Variants in SLC28A1 observed in about 807,000 individuals in gnomAD.
SLC28A1 encodes the protein sodium/nucleoside cotransporter 1.
Under a neutral mutation model 74.8 loss-of-function variants are expected in SLC28A1, and 64 were observed. The observed-to-expected ratio is 0.86, with a 90% CI of 0.70 to 1.05. The LOEUF (loss-of-function observed/expected upper bound fraction) is 1.05, where lower values mean the gene tolerates loss of function less well. Among genes scored for constraint, SLC28A1 ranks in the 50% least tolerant of loss-of-function variants. The pLI is 0.00. For synonymous variants in SLC28A1, 359 were observed against 335.0 expected, an observed-to-expected ratio of 1.07 and a Z score of -0.78; for missense variants, 828 against 822.8, an observed-to-expected ratio of 1.01 and a Z score of -0.08.
At chr15:84,896,357 T>C (rs1284877241) in intron 6 of SLC28A1, among the ~76,000 whole-genome samples, 1 of 152,184 alleles carries the variant, frequency 6.6e-6, no homozygotes, top group East Asian at 1.9e-4. Flanking sequence ...TCAGTAGCCA[T>C]CATGGAAATG....
the SLC28A1 span, among the ~76,000 whole-genome samples, chr15:84,960,521 G>A: frequency 6.6e-6 from 1 of 151,948 alleles, no homozygotes; most frequent in African/African-American, 2.4e-5. Flanking sequence ...GCCGGCCAAA[G>A]TGCTGGGATT....
chr15:84,953,304 T>TC, the SLC28A1 span, among the ~76,000 whole-genome samples: 5 of 152,342 alleles, frequency 3.3e-5, no homozygotes, highest in South Asian at 4.1e-4. Flanking sequence ...TCTGAAAAGT[T>TC]CCGTAACTCG....
chr15:84,911,641 C>T (rs769079600), intron 9 of SLC28A1, among the ~76,000 whole-genome samples: 92 of 152,180 alleles, frequency 6.0e-4, no homozygotes, highest in African/African-American at 2.0e-3. Context: ...GTGGTTCGAT[C>T]GCTTGAGTTC....
At chr15:84,911,877 AGAAG>A (rs1283572793) in intron 9 of SLC28A1, among the ~76,000 whole-genome samples, 31 of 118,562 alleles carry the variant, frequency 2.6e-4, no homozygotes, top group Non-Finnish European at 4.8e-4. Flanking sequence ...AAAAAAAAAA[AGAAG>A]AAGAAGAAGA....
rs117001935 is a variant in SLC28A1, at chr15:84,903,119, G to T, written c.462-978G>T. Among the ~76,000 whole-genome samples, 680 of 152,360 alleles carry T rather than the reference G, an allele frequency of 4.5e-3. 5 individuals carry two copies. The highest frequency in any genetic ancestry group is 6.6e-3 in the Non-Finnish European group (448 of 68,036). ...GGCACAAAAACAAGGCAAAGATTGTGCATGTTGAACTGGAATGAGAAGAGT... is the reference window on the plus strand; with the variant it reads ...GGCACAAAAACAAGGCAAAGATTGTTCATGTTGAACTGGAATGAGAAGAGT... On this transcript the variant is annotated intron_variant, in intron 6 of 18. Coordinates refer to ENST00000394573, the MANE Select transcript of SLC28A1 (RefSeq NM_004213.5).
intron 4 of SLC28A1, among the ~76,000 whole-genome samples, chr15:84,889,738 TTCCTTCCTTC>T (rs1965115995): frequency 9.9e-6 from 1 of 100,540 alleles, no homozygotes; most frequent in Non-Finnish European, 2.2e-5. Context: ...CCTTCCTTCC[TTCCTTCCTTC>T]CTTCCTTCCT....
intron 11 of SLC28A1, among the ~76,000 whole-genome samples, chr15:84,921,405 CAT>C (rs1219452446): frequency 1.3e-5 from 2 of 152,240 alleles, no homozygotes; most frequent in Non-Finnish European, 2.9e-5. Flanking sequence ...AGATTCCACA[CAT>C]ATAAGCCACG....
At chr15:84,970,326 C>G in the SLC28A1 span, among the ~76,000 whole-genome samples, 1 of 152,208 alleles carries the variant, frequency 6.6e-6, no homozygotes, top group East Asian at 1.9e-4. Context: ...CCCCATACAT[C>G]TCATTGGCCA....
the SLC28A1 span, among the ~76,000 whole-genome samples, chr15:84,967,876 T>C: frequency 1.3e-5 from 2 of 152,070 alleles, no homozygotes; most frequent in African/African-American, 2.4e-5. Flanking sequence ...GGCTAGGGAA[T>C]GAATATGCAG....
In SLC28A1 at chr15:84,924,062, T is replaced by G. The variant is rs201497348; in HGVS notation, c.1035T>G (p.Gly345=). The change falls in exon 12 of 19, where the codon GGT becomes GGG. Residue 345 remains glycine, a synonymous_variant. Coordinates refer to ENST00000394573, the MANE Select transcript of SLC28A1 (RefSeq NM_004213.5). ...LSEVHVVMTG[G]YATIAGSLLG... ...AAGTCCACGTTGTCATGACCGGAGG[T>G]TACGCCACCATTGCTGGCAGCCTGC... 6.2e-7 allele frequency: 1 copy of G among 1,613,768 alleles called. No homozygotes were observed. The highest frequency in any genetic ancestry group is 1.7e-5 in the Admixed American group (1 of 59,974).
intron 8 of SLC28A1, among the ~76,000 whole-genome samples, chr15:84,907,882 T>A (rs771869056): frequency 4.6e-5 from 7 of 152,140 alleles, no homozygotes; most frequent in Non-Finnish European, 1.0e-4. Context: ...AGAGAGTTTC[T>A]TTTCTGGTCA....
intron 9 of SLC28A1, among the ~76,000 whole-genome samples, chr15:84,914,626 C>T (rs1709344987): frequency 6.6e-6 from 1 of 152,122 alleles, no homozygotes; most frequent in South Asian, 2.1e-4. Context: ...ATTCATGAGT[C>T]CCCACATATT....
At position 84,924,924 on chromosome 15, in the gene SLC28A1, C is replaced by T. The variant is rs1970306809; in HGVS notation, c.1083+814C>T. On this transcript the variant is annotated intron_variant, in intron 12 of 18. Coordinates refer to ENST00000394573, the MANE Select transcript of SLC28A1 (RefSeq NM_004213.5). ...TTTTTTTGTTTGTTTGTTTTTGAGA[C>T]GGAGTCTTGCTCTGTTGCCAGGCTG... is the stretch of plus-strand genomic sequence containing the variant. Among the ~76,000 whole-genome samples, 3 of 141,808 alleles carry T rather than the reference C, an allele frequency of 2.1e-5. 1 individual carries two copies. Among genetic ancestry groups the T allele is most frequent in the South Asian group, 2.2e-4 (1 of 4,460 alleles). 93.0% of individuals were successfully genotyped at this position (141,808 alleles called of 152,430 possible). A position where few individuals can be genotyped will look rare whatever the true frequency, so the allele number is the denominator to read the frequency against.
At chr15:84,922,226 C>G (rs925954170) in intron 11 of SLC28A1, among the ~76,000 whole-genome samples, 9 of 152,164 alleles carry the variant, frequency 5.9e-5, no homozygotes, top group African/African-American at 2.2e-4. Flanking sequence ...GCTCTGCAGT[C>G]CTGATCTCCC....
chr15:84,947,040 C>T (rs979840304), downstream of SLC28A1, among the ~76,000 whole-genome samples: 13 of 152,226 alleles, frequency 8.5e-5, no homozygotes, highest in African/African-American at 3.1e-4. Context: ...TTCAGCTCAG[C>T]CCCAGTGAGC....
intron 9 of SLC28A1, 69 bp downstream of exon 9, chr15:84,908,864 C>A: frequency 7.5e-7 from 1 of 1,328,322 alleles, no homozygotes. Context: ...AGAGGGGAGT[C>A]TGGGCATGGT....
intron 6 of SLC28A1, among the ~76,000 whole-genome samples, chr15:84,896,610 G>C (rs1328400766): frequency 6.6e-6 from 1 of 152,152 alleles, no homozygotes; most frequent in East Asian, 1.9e-4. Flanking sequence ...TCAGGAGTTT[G>C]AGACCAGCCT....
chr15:84,917,875 G>T (rs17536922), intron 9 of SLC28A1, among the ~76,000 whole-genome samples: 14,695 of 152,186 alleles, frequency 0.097, 945 homozygotes, highest in Admixed American at 0.13. Flanking sequence ...CTGGAAAAGA[G>T]GGAATGGGTG....
the SLC28A1 span, among the ~76,000 whole-genome samples, chr15:84,953,089 G>T: frequency 3.3e-5 from 5 of 152,276 alleles, no homozygotes; most frequent in South Asian, 8.3e-4. Flanking sequence ...GCTTTCAAGG[G>T]ATCTTTTCTT....
Sources: allele counts gnomAD v4.1 joint callset (sites outside exome capture counted in the v4.1 genomes callset), GRCh38; gene constraint gnomAD v4.1.1; transcripts MANE v1.5; gene names NCBI Gene and HGNC (gene_info 2026-07-23, HGNC 2026-07-21).